Variants in FGF13 observed in about 807,000 individuals in gnomAD.
The protein encoded by FGF13 is fibroblast growth factor homologous factor 2.
In FGF13, 2 loss-of-function variants were observed where a neutral mutation model predicts 19.5. The ratio of observed to expected loss-of-function variants is 0.10; its 90% CI spans 0.04 to 0.32. The LOEUF is 0.32. Ranked by LOEUF, FGF13 falls within the 10% of genes least tolerant of loss-of-function variation. The pLI, the probability that FGF13 is intolerant of heterozygous loss-of-function variation, is 1.00. For synonymous variants in FGF13, 72 were observed against 76.9 expected (o/e 0.94, Z 0.33); for missense variants, 113 against 192.7 (o/e 0.59, Z 2.45).
intron 1 of FGF13, among the ~76,000 whole-genome samples, chrX:138,732,542 C>T (rs764748995): frequency 7.2e-5 from 8 of 111,229 alleles, no homozygotes; most frequent in South Asian, 7.5e-4. Context: ...ATAGGAAAAA[C>T]GAACCTATGG....
intron 1 of FGF13, among the ~76,000 whole-genome samples, chrX:139,077,789 T>A (rs2083341892): frequency 8.9e-6 from 1 of 111,933 alleles, no homozygotes. Context: ...TATTTTTTAG[T>A]GATTACTAGT....
chrX:138,939,226 C>G (rs1055780246), intron 1 of FGF13, among the ~76,000 whole-genome samples: 3 of 111,363 alleles, frequency 2.7e-5, no homozygotes, highest in Admixed American at 9.6e-5. Flanking sequence ...GCTGGCATTG[C>G]CAAAGCTGCT....
intron 1 of FGF13, among the ~76,000 whole-genome samples, chrX:139,147,896 GCAAAAA>G (rs954570526): frequency 1.8e-5 from 2 of 108,850 alleles, no homozygotes; most frequent in Non-Finnish European, 3.8e-5. Flanking sequence ...TAATGCATCT[GCAAAAA>G]CAAAAACAAA....
At chrX:139,066,195 C>A in intron 1 of FGF13, among the ~76,000 whole-genome samples, 1 of 111,608 alleles carries the variant, frequency 9.0e-6, no homozygotes, top group African/African-American at 3.3e-5. Context: ...AAATTTGTAG[C>A]ACTAAATGCC....
At chrX:138,651,329 G>A (rs185862115) in intron 3 of FGF13, among the ~76,000 whole-genome samples, 1 of 112,532 alleles carries the variant, frequency 8.9e-6, no homozygotes, top group East Asian at 2.8e-4. Context: ...AGAGATGGGT[G>A]TGTAAACAGC....
In FGF13 at chrX:138,984,563, GAAGAAGAAGAAGAAGAAGAAGAAGAA is replaced by G. The variant is rs1569436123; in HGVS notation, c.-112-119939_-112-119914del. On this transcript the variant is annotated intron_variant, in intron 1 of 2. Transcript: ENST00000421460. ...AGAAGAAGAAGAAGAAGAAGAAGAA[GAAGAAGAAGAAGAAGAAGAAGAAGAA>G]GGAGGAGGAGGAGGAGGAGGAGGAG... is the stretch of plus-strand genomic sequence containing the variant. Among the ~76,000 whole-genome samples, 10 of 46,133 alleles carry G rather than the reference GAAGAAGAAGAAGAAGAAGAAGAAGAA, an allele frequency of 2.2e-4. 1 individual carries two copies. The highest frequency in any genetic ancestry group is 7.2e-4 in the African/African-American group (9 of 12,553). 40.1% of individuals were successfully genotyped at this position (46,133 alleles called of 115,157 possible). A position where few individuals can be genotyped will look rare whatever the true frequency, so the allele number is the denominator to read the frequency against.
chrX:139,036,628 T>G (rs1226226852), intron 1 of FGF13, among the ~76,000 whole-genome samples: 4 of 111,105 alleles, frequency 3.6e-5, no homozygotes, highest in Non-Finnish European at 7.6e-5. Context: ...GCATCAAGCA[T>G]AGTGTATTAG....
At chrX:139,202,458 C>T (rs956124834) in intron 1 of FGF13, among the ~76,000 whole-genome samples, 2 of 111,839 alleles carry the variant, frequency 1.8e-5, no homozygotes, top group Non-Finnish European at 3.8e-5. Context: ...CTACAGCTGT[C>T]GTTCTACTTT....
intron 1 of FGF13, among the ~76,000 whole-genome samples, chrX:139,073,782 G>T (rs2092384348): frequency 8.9e-6 from 1 of 112,155 alleles, no homozygotes; most frequent in Admixed American, 9.5e-5. Flanking sequence ...ATGTTATTTG[G>T]ATACCCAGAA....
At chrX:139,062,920 C>T (rs1288872980) in intron 1 of FGF13, among the ~76,000 whole-genome samples, 1 of 111,918 alleles carries the variant, frequency 8.9e-6, no homozygotes, top group Admixed American at 9.5e-5. Context: ...AAATCAAAGC[C>T]ACTAAATACT....
rs1303497511 is a variant in FGF13 at position 139,167,895 on chromosome X, A to G, written c.-113+35521T>C. Among the ~76,000 whole-genome samples the G allele has an allele frequency of 6.2e-5, 7 of 112,335 alleles. No individual in the cohort carries two copies. In the Admixed American group the frequency reaches 6.6e-4, roughly 11 times the overall value. On this transcript the variant is annotated intron_variant, in intron 1 of 2. Coordinates refer to the FGF13 transcript ENST00000421460. ...GCTGTGGATTAATAATTTGCAAACT[A>G]TAACAATGCAACTTTACCAGAATAT...
At chrX:138,841,035 G>T (rs935770119) in intron 3 of FGF13, among the ~76,000 whole-genome samples, 5 of 111,177 alleles carry the variant, frequency 4.5e-5, no homozygotes, top group Non-Finnish European at 7.5e-5. Context: ...CCTTTTGGAA[G>T]AAACAGAGTG....
At chrX:138,694,416 A>T (rs2089870109) in intron 3 of FGF13, among the ~76,000 whole-genome samples, 1 of 109,233 alleles carries the variant, frequency 9.2e-6, no homozygotes, top group Non-Finnish European at 1.9e-5. Context: ...ATTTTTTGGA[A>T]ATACATGTTA....
At chrX:138,737,068 C>T (rs2090281561) in intron 1 of FGF13, among the ~76,000 whole-genome samples, 1 of 111,535 alleles carries the variant, frequency 9.0e-6, no homozygotes, top group South Asian at 3.8e-4. Context: ...AGCTTCTGGG[C>T]TGGGAAGGGT....
intron 3 of FGF13, among the ~76,000 whole-genome samples, chrX:138,801,275 G>A (rs199540992): frequency 2.7e-5 from 3 of 111,949 alleles, no homozygotes; most frequent in East Asian, 2.8e-4. Context: ...TTGTGTGGGC[G>A]TCCTTTTTGT....
At chrX:139,166,601 C>A (rs1031116689) in intron 1 of FGF13, among the ~76,000 whole-genome samples, 7 of 110,799 alleles carry the variant, frequency 6.3e-5, no homozygotes, top group Non-Finnish European at 1.9e-5. Context: ...GGTTTGAATA[C>A]CCCCACCCAA....
intron 1 of FGF13, among the ~76,000 whole-genome samples, chrX:138,929,854 C>CTGTGTGTG (rs577806507): frequency 5.1e-4 from 49 of 96,285 alleles, no homozygotes; most frequent in South Asian, 1.5e-3. Flanking sequence ...ACTGCCTTAG[C>CTGTGTGTG]TGTGTGTGTG....
intron 1 of FGF13, among the ~76,000 whole-genome samples, chrX:139,033,044 A>AAAAAAAAC (rs1724456161): frequency 9.7e-6 from 1 of 102,641 alleles, no homozygotes; most frequent in African/African-American, 3.7e-5. Flanking sequence ...AAAAAAAAAA[A>AAAAAAAAC]AAAAAAAAAA....
rs767292355 is a variant in FGF13 at position 138,768,965 on chromosome X, TG to T, written c.218-60038del. On this transcript the variant is annotated intron_variant, in intron 3 of 6. Transcript: ENST00000436198. ...ACTCTTGACTGCTTTTGTTCTGTTC[TG>T]GGGGTGTCTAATTGTGTTATGCTGT... is the stretch of plus-strand genomic sequence containing the variant. 1.2e-3 allele frequency among the ~76,000 whole-genome samples: 136 copies of T among 109,570 alleles called. 1 individual carries two copies. The highest frequency in any genetic ancestry group is 4.7e-3 in the Middle Eastern group (1 of 211).
Sources: gnomAD v4.1 joint callset for allele counts (sites outside exome capture counted in the v4.1 genomes callset) on GRCh38, gnomAD v4.1.1 for gene constraint, MANE v1.5 for transcripts, NCBI Gene and HGNC (gene_info 2026-07-23, HGNC 2026-07-21) for gene names.